The following EBF1 variants were observed in gnomAD, a reference collection of about 807,000 sequenced individuals.
EBF1 encodes transcription factor COE1.
A neutral mutation model predicts 68.4 loss-of-function variants in EBF1; 10 were observed. The ratio of observed to expected loss-of-function variants is 0.15; its 90% confidence interval spans 0.09 to 0.25. The LOEUF (loss-of-function observed/expected upper bound fraction) is 0.25, where lower values mean the gene tolerates loss of function less well. EBF1 is among the 10% of genes least tolerant of loss of function. The pLI, the probability that EBF1 is intolerant of heterozygous loss-of-function variation, is 1.00. For missense variants in EBF1, 509 were observed against 794.4 expected (o/e 0.64, Z 4.32); for synonymous variants, 298 against 299.8 (o/e 0.99, Z 0.06).
At chr5:158,733,968 T>C (rs2127553314) in intron 10 of EBF1, among the ~76,000 whole-genome samples, 1 of 152,232 alleles carries the variant, frequency 6.6e-6, no homozygotes. Context: ...AAAAAATATA[T>C]TAAACATCTG....
chr5:158,816,735 A>G (rs1783823478), intron 8 of EBF1, among the ~76,000 whole-genome samples: 1 of 152,154 alleles, frequency 6.6e-6, no homozygotes, highest in South Asian at 2.1e-4. Flanking sequence ...AAGATGCCAA[A>G]AGGTACACTC....
intron 6 of EBF1, among the ~76,000 whole-genome samples, chr5:158,989,054 T>C (rs1759728657): frequency 6.6e-6 from 1 of 152,122 alleles, no homozygotes; most frequent in Non-Finnish European, 1.5e-5. Flanking sequence ...TTCAGTGTCA[T>C]GCATGTTTCC....
chr5:158,889,038 G>GT lies in EBF1; in HGVS notation c.555-48929dup, dbSNP rs1310026405. Among the ~76,000 whole-genome samples, 5 of 151,988 alleles carry GT rather than the reference G, an allele frequency of 3.3e-5. 1 individual carries two copies. Among genetic ancestry groups the GT allele is most frequent in the Admixed American group, 1.3e-4 (2 of 15,256 alleles). ...TTAAGTTCCCACTGATTACTTTAGGGTTTTTTCCCCACATATGTTCCCCAC... is the reference window on the plus strand; with the variant it reads ...TTAAGTTCCCACTGATTACTTTAGGGTTTTTTTCCCCACATATGTTCCCCAC... On this transcript the variant is annotated intron_variant, in intron 6 of 15. Coordinates refer to ENST00000313708, the MANE Select transcript of EBF1 (RefSeq NM_024007.5).
At chr5:158,951,172 C>T (rs572067787) in intron 6 of EBF1, among the ~76,000 whole-genome samples, 1 of 152,304 alleles carries the variant, frequency 6.6e-6, no homozygotes, top group African/African-American at 2.4e-5. Context: ...TTTCACTTTG[C>T]AAGCTGTGAC....
At chr5:159,031,036 C>A (rs532254269) in intron 6 of EBF1, among the ~76,000 whole-genome samples, 1 of 152,150 alleles carries the variant, frequency 6.6e-6, no homozygotes, top group Admixed American at 6.5e-5. Context: ...TAGCCAGATG[C>A]AGTGGTGTGT....
In EBF1 at chr5:158,830,280, AT is replaced by A. The variant is rs547266683; in HGVS notation, c.637-6964del. 2.6e-3 allele frequency among the ~76,000 whole-genome samples: 388 copies of A among 149,328 alleles called. 7 individuals are homozygous for A. Among genetic ancestry groups the A allele is most frequent in the Admixed American group, 0.02 (305 of 14,946 alleles). On this transcript the variant is annotated intron_variant, in intron 7 of 15. Transcript: ENST00000313708. ...CACCCACCCTCAGTTCTGGCCTTTC[AT>A]TTTTTTTTTGAGATGGAGTCTTGCT... is the stretch of plus-strand genomic sequence containing the variant.
At chr5:158,895,171 C>T (rs1453606207) in intron 6 of EBF1, among the ~76,000 whole-genome samples, 7 of 152,022 alleles carry the variant, frequency 4.6e-5, no homozygotes, top group Non-Finnish European at 1.0e-4. Context: ...AAGTCAGATG[C>T]CAGGTAGGAA....
chr5:159,051,372 G>A (rs1163626402), intron 6 of EBF1, among the ~76,000 whole-genome samples: 10 of 28,292 alleles, frequency 3.5e-4, no homozygotes, highest in African/African-American at 1.6e-3. Flanking sequence ...CAAATCCCCC[G>A]GTGAGCGCTA....
At chr5:158,763,888 C>T (rs1276509330) in intron 10 of EBF1, among the ~76,000 whole-genome samples, 3 of 152,156 alleles carry the variant, frequency 2.0e-5, no homozygotes, top group African/African-American at 7.2e-5. Flanking sequence ...GCCTCAGCTG[C>T]CTCCTCTACA....
chr5:158,895,205 T>C (rs992469097), intron 6 of EBF1, among the ~76,000 whole-genome samples: 2 of 152,152 alleles, frequency 1.3e-5, no homozygotes, highest in South Asian at 2.1e-4. Flanking sequence ...GCACTATTCA[T>C]TGAGCATTCA....
rs1171937629 is a variant in EBF1 at position 158,698,145 on chromosome 5, A to G, written c.*966T>C. On this transcript the variant is annotated 3_prime_UTR_variant, in exon 16 of 16. Coordinates refer to ENST00000313708, the MANE Select transcript of EBF1 (RefSeq NM_024007.5). ...ATGAAGTCTGCATTTAGGACGAGTA[A>G]ACTTTAAACTTGCAAATGGGGGAGC... is the stretch of plus-strand genomic sequence containing the variant. 9.1e-6 allele frequency: 2 copies of G among 219,944 alleles called. No individual in the cohort carries two copies. The highest frequency in any genetic ancestry group is 1.8e-5 in the Non-Finnish European group (2 of 109,750). 13.6% of individuals were successfully genotyped at this position (219,944 alleles called of 1,614,324 possible). A position where few individuals can be genotyped will look rare whatever the true frequency, so the allele number is the denominator to read the frequency against.
intron 6 of EBF1, among the ~76,000 whole-genome samples, chr5:158,864,018 G>C (rs1795421513): frequency 6.6e-6 from 1 of 151,746 alleles, no homozygotes; most frequent in African/African-American, 2.4e-5. Context: ...GATTACCTGA[G>C]GTCAGGAGTT....
At chr5:158,734,269 T>G (rs1379447609) in intron 10 of EBF1, among the ~76,000 whole-genome samples, 2 of 152,192 alleles carry the variant, frequency 1.3e-5, no homozygotes, top group African/African-American at 4.8e-5. Flanking sequence ...ACAATGAACA[T>G]ATATTACTTA....
chr5:158,696,137 C>A lies in EBF1; in HGVS notation c.*2974G>T. 4.6e-6 allele frequency: 1 copy of A among 217,822 alleles called. No individual in the cohort carries two copies. Among genetic ancestry groups the A allele is most frequent in the South Asian group, 1.9e-4 (1 of 5,376 alleles). The allele number at this position is 217,822 out of a possible 1,614,324, so 13.5% of individuals were successfully genotyped here. ...ACTTCATTTAAGCTGCATCCTAGTA[C>A]AATGTGAGGCCAGGGCAATGTTATG... On this transcript the variant is annotated 3_prime_UTR_variant, in exon 16 of 16. Transcript: ENST00000313708.
At chr5:158,806,810 G>A (rs1006443785) in intron 8 of EBF1, among the ~76,000 whole-genome samples, 1 of 152,074 alleles carries the variant, frequency 6.6e-6, no homozygotes, top group Non-Finnish European at 1.5e-5. Flanking sequence ...TGTAAGATGG[G>A]CAAGTTCACA....
At chr5:158,819,418 G>A (rs150055644) in intron 8 of EBF1, among the ~76,000 whole-genome samples, 145 of 152,328 alleles carry the variant, frequency 9.5e-4, no homozygotes, top group African/African-American at 3.4e-3. Flanking sequence ...CTGCACCACA[G>A]TGTTGTGAGG....
intron 4 of EBF1, among the ~76,000 whole-genome samples, chr5:159,089,862 A>T (rs1781325166): frequency 6.6e-6 from 1 of 151,932 alleles, no homozygotes; most frequent in South Asian, 2.1e-4. Flanking sequence ...AAAGGAAAGG[A>T]AGGAAAAGAA....
intron 9 of EBF1, among the ~76,000 whole-genome samples, chr5:158,783,038 TTTAAAAATTAATAC>T (rs1776730167): frequency 6.6e-6 from 1 of 151,776 alleles, no homozygotes; most frequent in Admixed American, 6.6e-5. Context: ...AAAAAAAAGG[TTTAAAAATTAATAC>T]TTAAAAAGTA....
chr5:158,714,565 G>A (rs1760216028), intron 11 of EBF1, among the ~76,000 whole-genome samples: 1 of 152,116 alleles, frequency 6.6e-6, no homozygotes, highest in Non-Finnish European at 1.5e-5. Flanking sequence ...GCTTATTCCA[G>A]TAACCATGAC....
Sources: gnomAD v4.1 joint callset for allele counts (sites outside exome capture counted in the v4.1 genomes callset) on GRCh38, gnomAD v4.1.1 for gene constraint, MANE v1.5 for transcripts, NCBI Gene and HGNC (gene_info 2026-07-23, HGNC 2026-07-21) for gene names.